The following FHOD3 variants were observed in gnomAD, a reference collection of about 807,000 sequenced individuals.
FHOD3 encodes FH1/FH2 domain-containing protein 3.
Under a neutral mutation model 173.0 loss-of-function variants are expected in FHOD3, and 90 were observed. The observed-to-expected ratio is 0.52, with a 90% CI of 0.44 to 0.62. The LOEUF (loss-of-function observed/expected upper bound fraction) is 0.62. FHOD3 is among the 20% of genes least tolerant of loss of function. FHOD3 has a pLI of 0.00. For synonymous variants in FHOD3, 828 were observed against 823.0 expected (o/e 1.01, Z -0.10); for missense variants, 1,945 against 2,034.7 (o/e 0.96, Z 0.85).
At chr18:36,757,954 T>A (rs572714560) in intron 25 of FHOD3, among the ~76,000 whole-genome samples, 1 of 152,334 alleles carries the variant, frequency 6.6e-6, no homozygotes, top group East Asian at 1.9e-4. Context: ...GCAGTGGTAA[T>A]CCTGGGTGAG....
At chr18:36,537,180 AC>A (rs1165010089) in intron 5 of FHOD3, among the ~76,000 whole-genome samples, 1 of 151,984 alleles carries the variant, frequency 6.6e-6, no homozygotes. Flanking sequence ...CAACTCCCTG[AC>A]TCCCTGATAA....
intron 1 of FHOD3, among the ~76,000 whole-genome samples, chr18:36,344,232 T>C (rs1022391316): frequency 2.0e-5 from 3 of 152,102 alleles, no homozygotes; most frequent in African/African-American, 7.2e-5. Context: ...TTATTATAGA[T>C]AGAAGCACAG....
At position 36,760,758 on chromosome 18, in the gene FHOD3, C is replaced by T. The variant is rs773196842; in HGVS notation, c.4600C>T (p.Arg1534Cys). The T allele has an allele frequency of 7.4e-6, 12 of 1,610,820 alleles. No individual in the cohort carries two copies. The highest frequency in any genetic ancestry group is 1.0e-5 in the Non-Finnish European group (12 of 1,179,256). The change falls in exon 27 of 29, where the codon CGC becomes TGC. Residue 1534 changes from arginine to cysteine, a missense_variant. Physicochemically the swap from Arg to Cys is radical, Grantham distance 180. Coordinates refer to ENST00000590592, the MANE Select transcript of FHOD3 (RefSeq NM_001281740.3). ...GGACGCCACCCCCGCGCTGGGCGTC[C>T]GCACACGCAGCCGAGCAAGCCGAGG... Reference protein sequence around the residue: ...VEDATPALGVRTRSRASRGST... With the variant: ...VEDATPALGVCTRSRASRGST...
intron 20 of FHOD3, among the ~76,000 whole-genome samples, chr18:36,736,672 C>T (rs553141078): frequency 1.8e-4 from 28 of 152,306 alleles, no homozygotes; most frequent in African/African-American, 6.3e-4. Context: ...GCTGCTTCTC[C>T]TCTTCTCCCC....
chr18:36,721,248 C>G (rs917298620), intron 19 of FHOD3, among the ~76,000 whole-genome samples: 1 of 152,146 alleles, frequency 6.6e-6, no homozygotes, highest in Non-Finnish European at 1.5e-5. Context: ...TAATGAGACC[C>G]AAAAACCCCT....
chr18:36,377,405 A>C (rs2047497181), intron 3 of FHOD3, among the ~76,000 whole-genome samples: 1 of 151,878 alleles, frequency 6.6e-6, no homozygotes, highest in African/African-American at 2.4e-5. Flanking sequence ...CTGACATTTC[A>C]CTTGCCCCTA....
At chr18:36,381,187 A>C (rs774966699) in intron 3 of FHOD3, among the ~76,000 whole-genome samples, 1 of 152,234 alleles carries the variant, frequency 6.6e-6, no homozygotes, top group African/African-American at 2.4e-5. Context: ...GCCTAAGTGA[A>C]GTTTCAGCAG....
intron 3 of FHOD3, among the ~76,000 whole-genome samples, chr18:36,467,917 C>G (rs1458739318): frequency 1.3e-5 from 2 of 152,176 alleles, no homozygotes; most frequent in African/African-American, 4.8e-5. Flanking sequence ...CTGCAGACCT[C>G]GAGAAGTGGG....
intron 2 of FHOD3, among the ~76,000 whole-genome samples, chr18:36,359,805 G>A (rs537095274): frequency 5.9e-5 from 9 of 152,226 alleles, no homozygotes; most frequent in Admixed American, 5.9e-4. Flanking sequence ...TCATAATACT[G>A]CCTCTTTGGG....
intron 5 of FHOD3, among the ~76,000 whole-genome samples, chr18:36,559,346 T>G (rs1214154099): frequency 6.6e-6 from 1 of 152,086 alleles, no homozygotes; most frequent in East Asian, 1.9e-4. Context: ...GAAGAATGAG[T>G]TAAAGATGAA....
At chr18:36,477,998 AAGAAC>A (rs1159524745) in intron 3 of FHOD3, among the ~76,000 whole-genome samples, 1 of 152,184 alleles carries the variant, frequency 6.6e-6, no homozygotes, top group Non-Finnish European at 1.5e-5. Context: ...GACAGACTGA[AAGAAC>A]AGAGCTCTGG....
intron 16 of FHOD3, among the ~76,000 whole-genome samples, chr18:36,692,724 A>G (rs913424683): frequency 6.6e-6 from 1 of 152,208 alleles, no homozygotes; most frequent in Non-Finnish European, 1.5e-5. Flanking sequence ...GTTAGTATTG[A>G]AGCAGGTTCA....
At chr18:36,549,855 G>A (rs1255333042) in intron 5 of FHOD3, among the ~76,000 whole-genome samples, 1 of 151,684 alleles carries the variant, frequency 6.6e-6, no homozygotes, top group Non-Finnish European at 1.5e-5. Flanking sequence ...GCCATGGCCA[G>A]ATCTAAGAAA....
Position 36,487,225 on chromosome 18 carries a change from C to G in FHOD3, c.338-14707C>G, listed in dbSNP as rs769169018. ...TTTCAGTTGATAAGCAACTATCAAA[C>G]TGCTTTCTAGAGAGGTTGCAGCATC... On this transcript the variant is annotated intron_variant, in intron 3 of 28. Coordinates refer to ENST00000590592, the MANE Select transcript of FHOD3 (RefSeq NM_001281740.3). 3.9e-5 allele frequency among the ~76,000 whole-genome samples: 6 copies of G among 152,370 alleles called. No homozygotes were observed. The Middle Eastern group carries it at 0.01, about 261-fold the overall frequency.
chr18:36,447,133 A>G (rs2860948), intron 3 of FHOD3, among the ~76,000 whole-genome samples: 41,627 of 152,104 alleles, frequency 0.27, 7,090 homozygotes, highest in East Asian at 0.56. Context: ...CAAGGGGTGC[A>G]GTATTCCTCA....
chr18:36,328,568 G>A (rs192681395), intron 1 of FHOD3, among the ~76,000 whole-genome samples: 1 of 152,266 alleles, frequency 6.6e-6, no homozygotes, highest in Non-Finnish European at 1.5e-5. Flanking sequence ...GCAGCAGAGT[G>A]TCCTGATCTG....
At chr18:36,452,565 G>A (rs985828276) in intron 3 of FHOD3, among the ~76,000 whole-genome samples, 1 of 152,080 alleles carries the variant, frequency 6.6e-6, no homozygotes, top group Non-Finnish European at 1.5e-5. Context: ...CTGCACACCT[G>A]AAACTTTTAT....
chr18:36,459,963 T>C (rs1160607144), intron 3 of FHOD3, among the ~76,000 whole-genome samples: 2 of 152,190 alleles, frequency 1.3e-5, no homozygotes, highest in African/African-American at 2.4e-5. Context: ...TCTCAGACTT[T>C]CCTTGTTTTT....
At chr18:36,463,196 G>A (rs1438311646) in intron 3 of FHOD3, among the ~76,000 whole-genome samples, 1 of 151,262 alleles carries the variant, frequency 6.6e-6, no homozygotes, top group African/African-American at 2.4e-5. Flanking sequence ...TTAGTTAGGT[G>A]GTTGTCTTCC....
Sources: gnomAD v4.1 joint callset for allele counts (sites outside exome capture counted in the v4.1 genomes callset) on GRCh38, gnomAD v4.1.1 for gene constraint, MANE v1.5 for transcripts, NCBI Gene and HGNC (gene_info 2026-07-23, HGNC 2026-07-21) for gene names.